The following KLHL2 variants were observed in gnomAD, a reference collection of about 807,000 sequenced individuals.
The protein encoded by KLHL2 is kelch like family member 2, also known as kelch-like protein 2.
Under a neutral mutation model 75.8 loss-of-function variants are expected in KLHL2, and 15 were observed. That is an observed-to-expected ratio of 0.20 (90% CI 0.13 to 0.30). KLHL2 has a LOEUF of 0.30. Ranked by LOEUF, KLHL2 falls within the 10% of genes least tolerant of loss-of-function variation. The probability of loss-of-function intolerance (pLI) is 1.00; values close to 1 mark genes in which losing one functional copy is unlikely to be tolerated. For missense variants in KLHL2, 381 were observed against 741.0 expected (o/e 0.51, Z 5.64); for synonymous variants, 214 against 251.9 (o/e 0.85, Z 1.42).
intron 3 of KLHL2, among the ~76,000 whole-genome samples, chr4:165,233,718 G>C (rs189687664): frequency 1.4e-4 from 21 of 152,254 alleles, no homozygotes; most frequent in African/African-American, 4.6e-4. Context: ...ATTATAGTTA[G>C]GAAGAAGAAG....
chr4:165,279,626 G>T (rs1743486787), intron 5 of KLHL2: 3 of 1,611,402 alleles, frequency 1.9e-6, no homozygotes, highest in Non-Finnish European at 2.5e-6. Flanking sequence ...CCCCAAAACT[G>T]CCTTCTTTGA....
intron 13 of KLHL2, 44 bp from the exon 14 acceptor site, chr4:165,317,782 C>G: frequency 6.6e-7 from 1 of 1,512,320 alleles, no homozygotes; most frequent in South Asian, 1.1e-5. Context: ...TCATATTCAT[C>G]CCAATTTTTT....
At position 165,313,377 on chromosome 4, in the gene KLHL2, A is replaced by T; in HGVS notation, c.1468+11A>T. 1 of 1,481,338 alleles carries T rather than the reference A, an allele frequency of 6.8e-7. No homozygotes were observed. The highest frequency in any genetic ancestry group is 2.6e-5 in the Admixed American group (1 of 39,186). 91.8% of individuals were successfully genotyped at this position (1,481,338 alleles called of 1,614,324 possible). On this transcript the variant is annotated intron_variant, in intron 12 of 14. Coordinates refer to ENST00000226725, the MANE Select transcript of KLHL2 (RefSeq NM_007246.4). Reference sequence around the variant, plus strand: ...GGCGGAGTGGAGCAGGTACATGTGAACCTGTTTTAGCAACTGAAGCACAAA... The same window carrying T: ...GGCGGAGTGGAGCAGGTACATGTGATCCTGTTTTAGCAACTGAAGCACAAA...
chr4:165,255,734 C>A (rs186596500), intron 4 of KLHL2, among the ~76,000 whole-genome samples: 119 of 152,234 alleles, frequency 7.8e-4, no homozygotes, highest in African/African-American at 2.6e-3. Flanking sequence ...AAACACATCA[C>A]CCTTGCCTAC....
chr4:165,267,970 T>C (rs7689690), intron 5 of KLHL2, among the ~76,000 whole-genome samples: 87 of 152,334 alleles, frequency 5.7e-4, no homozygotes, highest in African/African-American at 2.0e-3. Flanking sequence ...AGGCTATTAA[T>C]GATTGCCTCA....
At chr4:165,318,258 G>A (rs1160428316) in intron 14 of KLHL2, among the ~76,000 whole-genome samples, 3 of 152,144 alleles carry the variant, frequency 2.0e-5, no homozygotes, top group South Asian at 2.1e-4. Flanking sequence ...GAATTCATAT[G>A]TGGCAAGGCT....
intron 1 of KLHL2, among the ~76,000 whole-genome samples, chr4:165,212,716 T>C (rs1737272837): frequency 6.6e-6 from 1 of 152,222 alleles, no homozygotes; most frequent in African/African-American, 2.4e-5. Flanking sequence ...GAGTTTAAGT[T>C]ACTCTCTCAA....
intron 5 of KLHL2, among the ~76,000 whole-genome samples, chr4:165,279,980 T>TTCA (rs1176264414): frequency 1.3e-5 from 2 of 152,208 alleles, no homozygotes; most frequent in Non-Finnish European, 2.9e-5. Flanking sequence ...CACAAACCCA[T>TTCA]TCATCACCTT....
intron 1 of KLHL2, chr4:165,219,726 A>G (rs1737835024): frequency 7.7e-7 from 1 of 1,293,424 alleles, no homozygotes; most frequent in Non-Finnish European, 9.8e-7. Context: ...CAGGGAGGTA[A>G]TTACCCACTT....
At chr4:165,266,236 G>A (rs1430454123) in intron 5 of KLHL2, among the ~76,000 whole-genome samples, 1 of 152,128 alleles carries the variant, frequency 6.6e-6, no homozygotes, top group Non-Finnish European at 1.5e-5. Context: ...TGTCAGATGG[G>A]TAGTTTGCAA....
rs1478545188 is a variant in KLHL2, at chr4:165,319,178, C to T, written c.1753+1209C>T. On this transcript the variant is annotated intron_variant, in intron 14 of 14. Transcript: ENST00000226725. The surrounding 1 kb of genome is among the most constrained non-coding windows in gnomAD (Gnocchi z 4.5). ...TGGTGAGCTCAGCTGTTGTGAGTAT[C>T]CACTTAAAAAGCTGTGGGGGGCTAA... Among the ~76,000 whole-genome samples, 1 of 152,174 alleles carries T rather than the reference C, an allele frequency of 6.6e-6. No homozygotes were observed. The highest frequency in any genetic ancestry group is 1.5e-5 in the Non-Finnish European group (1 of 68,038).
chr4:165,235,007 A>G (rs1348669045), intron 3 of KLHL2, among the ~76,000 whole-genome samples: 6 of 152,214 alleles, frequency 3.9e-5, no homozygotes, highest in East Asian at 1.9e-4. Flanking sequence ...TCAAAAAAAA[A>G]GGTAGAGATG....
At chr4:165,321,983 C>T in intron 14 of KLHL2, 49 bp from the exon 15 acceptor site, 2 of 1,563,308 alleles carry the variant, frequency 1.3e-6, no homozygotes, top group South Asian at 2.2e-5. Flanking sequence ...CTCAGAGATA[C>T]AGAGTGCTGC....
At chr4:165,310,924 G>A (rs554503533) in intron 10 of KLHL2, among the ~76,000 whole-genome samples, 174 bp downstream of exon 10, 56 of 147,926 alleles carry the variant, frequency 3.8e-4, no homozygotes, top group Non-Finnish European at 6.8e-4. Flanking sequence ...GCGCAATCTC[G>A]GCTCACTGCA....
chr4:165,303,785 A>G (rs1745527365), intron 8 of KLHL2, among the ~76,000 whole-genome samples: 1 of 151,728 alleles, frequency 6.6e-6, no homozygotes, highest in Non-Finnish European at 1.5e-5. Flanking sequence ...CTGGTCTCGA[A>G]CTCCTGATCT....
Position 165,303,339 on chromosome 4 carries a change from C to T in KLHL2, c.922-2269C>T, listed in dbSNP as rs556805585. ...TTTATCAAAAAATTTAAAAAATGTT[C>T]CCTTCTGAAATTTTAGAAAAATTGG... On this transcript the variant is annotated intron_variant, in intron 8 of 14. Transcript: ENST00000226725. 5.2e-4 allele frequency among the ~76,000 whole-genome samples: 79 copies of T among 152,110 alleles called. 1 individual carries two copies. The Middle Eastern group carries it at 0.01, about 20-fold the overall frequency.
chr4:165,229,195 A>G (rs1191541114), intron 3 of KLHL2, among the ~76,000 whole-genome samples: 1 of 152,178 alleles, frequency 6.6e-6, no homozygotes, highest in Admixed American at 6.5e-5. Context: ...GCTTTTTGGC[A>G]CTTTATTATT....
intron 13 of KLHL2, among the ~76,000 whole-genome samples, chr4:165,315,626 A>G (rs1746538027): frequency 6.6e-6 from 1 of 152,220 alleles, no homozygotes; most frequent in East Asian, 1.9e-4. Flanking sequence ...TTTTAAAATT[A>G]TTTAAGTTCA....
At chr4:165,223,597 C>T (rs541113183) in intron 2 of KLHL2, among the ~76,000 whole-genome samples, 1 of 152,308 alleles carries the variant, frequency 6.6e-6, no homozygotes, top group African/African-American at 2.4e-5. Context: ...AGAATTGTGG[C>T]AGGCTTGAAT....
Sources: gnomAD v4.1 joint callset for allele counts (sites outside exome capture counted in the v4.1 genomes callset) on GRCh38, gnomAD v4.1.1 for gene constraint, Gnocchi (gnomAD v3.1) non-coding constraint, MANE v1.5 for transcripts, NCBI Gene and HGNC (gene_info 2026-07-23, HGNC 2026-07-21) for gene names.